ADAMTSL1: variants seen among roughly 807,000 people sequenced by gnomAD.
The protein encoded by ADAMTSL1 is ADAMTS like 1.
A neutral mutation model predicts 201.8 loss-of-function variants in ADAMTSL1; 126 were observed. The ratio of observed to expected loss-of-function variants is 0.62; its 90% CI spans 0.54 to 0.72. The LOEUF (loss-of-function observed/expected upper bound fraction) is 0.72. ADAMTSL1 is among the 30% of genes least tolerant of loss of function. ADAMTSL1 has a pLI of 0.00. For synonymous variants in ADAMTSL1, 1,121 were observed against 903.4 expected, an observed-to-expected ratio of 1.24 and a Z score of -4.32; for missense variants, 2,679 against 2,277.8, an observed-to-expected ratio of 1.18 and a Z score of -3.59.
At chr9:18,110,815 T>C (rs1051778671) in intron 1 of ADAMTSL1, among the ~76,000 whole-genome samples, 3 of 152,162 alleles carry the variant, frequency 2.0e-5, no homozygotes, top group Non-Finnish European at 4.4e-5. Context: ...TAAGTAATAG[T>C]TAAGGGCAAA....
chr9:18,448,900 G>A (rs1044092925), intron 2 of ADAMTSL1, among the ~76,000 whole-genome samples: 1 of 152,024 alleles, frequency 6.6e-6, no homozygotes, highest in Non-Finnish European at 1.5e-5. Context: ...ATTTATGTGA[G>A]TGATATATTA....
chr9:18,476,446 G>C lies in ADAMTSL1; in HGVS notation c.63+2151G>C, dbSNP rs973048596. On this transcript the variant is annotated intron_variant, in intron 1 of 28. Coordinates refer to ENST00000380548, the MANE Select transcript of ADAMTSL1 (RefSeq NM_001040272.6). ...CTGTACCCTTTGTTGCAGATATTTAGGCTTTCTGCATCATCTTGATCATTA... is the reference window on the plus strand; with the variant it reads ...CTGTACCCTTTGTTGCAGATATTTACGCTTTCTGCATCATCTTGATCATTA... 2.0e-5 allele frequency among the ~76,000 whole-genome samples: 3 copies of C among 152,058 alleles called. No individual in the cohort carries two copies. In the East Asian group the frequency reaches 5.8e-4, roughly 29 times the overall value.
At chr9:18,001,708 G>A (rs1819617499) in intron 1 of ADAMTSL1, among the ~76,000 whole-genome samples, 2 of 151,998 alleles carry the variant, frequency 1.3e-5, no homozygotes, top group South Asian at 4.1e-4. Flanking sequence ...GAAGAACCAT[G>A]GTGATTTTGT....
At chr9:18,380,791 T>G (rs1837524112) in intron 2 of ADAMTSL1, among the ~76,000 whole-genome samples, 1 of 152,218 alleles carries the variant, frequency 6.6e-6, no homozygotes, top group Admixed American at 6.5e-5. Flanking sequence ...CACCTCCGTT[T>G]CTGTCCATTC....
At chr9:18,715,407 T>A (rs1239680963) in intron 14 of ADAMTSL1, among the ~76,000 whole-genome samples, 2 of 152,144 alleles carry the variant, frequency 1.3e-5, no homozygotes, top group Non-Finnish European at 2.9e-5. Context: ...ACAAAATCAA[T>A]GTACAAAAAT....
chr9:18,262,742 C>T (rs1190153811), intron 2 of ADAMTSL1, among the ~76,000 whole-genome samples: 1 of 152,128 alleles, frequency 6.6e-6, no homozygotes, highest in Non-Finnish European at 1.5e-5. Context: ...AAAAGTTCAT[C>T]GGGGTATGTG....
chr9:18,789,834 A>T (rs1821920710), intron 19 of ADAMTSL1, among the ~76,000 whole-genome samples: 1 of 152,162 alleles, frequency 6.6e-6, no homozygotes, highest in East Asian at 1.9e-4. Context: ...ACAAGTTTGT[A>T]TTGGGATGTG....
intron 22 of ADAMTSL1, among the ~76,000 whole-genome samples, chr9:18,826,682 T>C (rs1006693084): frequency 1.2e-4 from 19 of 152,196 alleles, no homozygotes; most frequent in African/African-American, 4.1e-4. Context: ...CTGCCTGGCA[T>C]TGGGCAAGTT....
chr9:18,537,500 C>G (rs1819844713), intron 3 of ADAMTSL1, among the ~76,000 whole-genome samples: 1 of 152,066 alleles, frequency 6.6e-6, no homozygotes, highest in Non-Finnish European at 1.5e-5. Context: ...AAGAAAAAAT[C>G]AAAACCAGAG....
In ADAMTSL1 at chr9:18,015,545, C is replaced by G. The variant is rs937458376; in HGVS notation, c.87+108623C>G. 2.0e-5 allele frequency among the ~76,000 whole-genome samples: 3 copies of G among 152,178 alleles called. No individual in the cohort carries two copies. The South Asian group carries it at 6.2e-4, about 32-fold the overall frequency. ...GTCTGTGATACAAGGACTACACACT[C>G]ACTTGACACGTATTATTGTTTTGAG... On this transcript the variant is annotated intron_variant, in intron 1 of 29. Transcript: ENST00000680146.
chr9:18,313,195 A>C (rs905369060), intron 2 of ADAMTSL1, among the ~76,000 whole-genome samples: 25 of 152,204 alleles, frequency 1.6e-4, no homozygotes, highest in African/African-American at 6.0e-4. Context: ...ACTAGTTCTT[A>C]GGCAATGCTG....
At chr9:18,708,923 T>C (rs1055860693) in intron 14 of ADAMTSL1, among the ~76,000 whole-genome samples, 1 of 152,044 alleles carries the variant, frequency 6.6e-6, no homozygotes, top group Non-Finnish European at 1.5e-5. Flanking sequence ...GTATGTGGAG[T>C]GTATTTAATT....
intron 2 of ADAMTSL1, among the ~76,000 whole-genome samples, chr9:18,278,122 GGAAA>G (rs1563853127): frequency 2.0e-5 from 3 of 151,900 alleles, no homozygotes; most frequent in Non-Finnish European, 4.4e-5. Flanking sequence ...GTATTCATTA[GGAAA>G]CTATTTTATA....
intron 2 of ADAMTSL1, among the ~76,000 whole-genome samples, chr9:18,415,424 C>T (rs1348712637): frequency 1.3e-5 from 2 of 151,964 alleles, no homozygotes; most frequent in East Asian, 3.9e-4. Context: ...TCCCATGGAC[C>T]ATATTAGTAA....
Position 18,892,342 on chromosome 9 carries a change from A to AGGGCCTGTCCCT in ADAMTSL1, c.4644-46_4644-35dup, listed in dbSNP as rs776128826. 3.8e-6 allele frequency: 6 copies of AGGGCCTGTCCCT among 1,566,528 alleles called. No homozygotes were observed. In the South Asian group the frequency reaches 5.8e-5, roughly 15 times the overall value. ...GGTGGGGAGGAGGTCTCTTTTCCCC[A>AGGGCCTGTCCCT]GGGCCTGTCCCTTTAGGGCTCTCCT... On this transcript the variant is annotated intron_variant, in intron 25 of 28. Transcript: ENST00000380548.
chr9:18,249,605 G>T (rs114171270), intron 2 of ADAMTSL1, among the ~76,000 whole-genome samples: 1 of 152,070 alleles, frequency 6.6e-6, no homozygotes. Flanking sequence ...TACTGTTATT[G>T]TTTCATGCTT....
chr9:18,257,883 T>C (rs753351911), intron 2 of ADAMTSL1, among the ~76,000 whole-genome samples: 1 of 152,200 alleles, frequency 6.6e-6, no homozygotes, highest in African/African-American at 2.4e-5. Context: ...TACTATGTGA[T>C]TCCAATTATA....
At chr9:18,073,855 C>T (rs1186059163) in intron 1 of ADAMTSL1, among the ~76,000 whole-genome samples, 2 of 152,162 alleles carry the variant, frequency 1.3e-5, no homozygotes, top group African/African-American at 2.4e-5. Context: ...GTTATAACTT[C>T]AGGATCTACT....
intron 4 of ADAMTSL1, among the ~76,000 whole-genome samples, chr9:18,609,361 G>A (rs542792848): frequency 9.5e-4 from 112 of 117,368 alleles, no homozygotes; most frequent in African/African-American, 3.7e-3. Context: ...AACCCTACCA[G>A]AGGTCATTTC....
Sources: allele counts gnomAD v4.1 joint callset (sites outside exome capture counted in the v4.1 genomes callset), GRCh38; gene constraint gnomAD v4.1.1; transcripts MANE v1.5; gene names NCBI Gene and HGNC (gene_info 2026-07-23, HGNC 2026-07-21).